Variants in CBLB observed in about 807,000 individuals in gnomAD.
CBLB encodes Cbl proto-oncogene B, also known as E3 ubiquitin-protein ligase CBL-B.
CBLB carries 31 observed loss-of-function variants against 104.9 expected under a neutral mutation model. The ratio of observed to expected loss-of-function variants is 0.30; its 90% CI spans 0.22 to 0.40. The LOEUF is 0.40. CBLB is among the 10% of genes least tolerant of loss of function. CBLB has a pLI of 1.00. For synonymous variants in CBLB, 440 were observed against 422.6 expected (o/e 1.04, Z -0.51); for missense variants, 1,062 against 1,214.6 (o/e 0.87, Z 1.87).
At chr3:105,718,738 G>A (rs2072305289) in intron 10 of CBLB, among the ~76,000 whole-genome samples, 1 of 152,174 alleles carries the variant, frequency 6.6e-6, no homozygotes. Flanking sequence ...TAAGTATCAT[G>A]ACTGATTAGC....
intron 4 of CBLB, among the ~76,000 whole-genome samples, chr3:105,771,059 C>T (rs953856563): frequency 8.5e-5 from 13 of 152,098 alleles, no homozygotes; most frequent in African/African-American, 1.4e-4. Context: ...GAAGCCACTA[C>T]CATGCTAATA....
chr3:105,852,882 T>C (rs1438927664), intron 3 of CBLB, among the ~76,000 whole-genome samples: 1 of 151,916 alleles, frequency 6.6e-6, no homozygotes. Context: ...CACGCCGGGC[T>C]AATTTTGTAT....
chr3:105,799,546 A>G (rs745463705), intron 3 of CBLB, among the ~76,000 whole-genome samples: 23 of 152,332 alleles, frequency 1.5e-4, no homozygotes, highest in Middle Eastern at 3.4e-3. Context: ...GATTTGCAAC[A>G]TAACGTTTGT....
At chr3:105,806,479 C>CAAAAAAAAAAAAAAAAA (rs367966052) in intron 3 of CBLB, among the ~76,000 whole-genome samples, 2 of 125,058 alleles carry the variant, frequency 1.6e-5, no homozygotes, top group African/African-American at 3.0e-5. Flanking sequence ...ACTAAAACCT[C>CAAAAAAAAAAAAAAAAA]AAAAAAAAAA....
At chr3:105,784,852 C>G (rs1288667848) in intron 3 of CBLB, among the ~76,000 whole-genome samples, 6 of 152,324 alleles carry the variant, frequency 3.9e-5, no homozygotes, top group Non-Finnish European at 8.8e-5. Context: ...ATTTCTCACA[C>G]TACTTCTGTT....
chr3:105,718,924 T>C (rs2072345609), intron 10 of CBLB, among the ~76,000 whole-genome samples: 1 of 152,230 alleles, frequency 6.6e-6, no homozygotes, highest in Non-Finnish European at 1.5e-5. Context: ...TTGACCACTG[T>C]ATTTCTGGTC....
rs1198000482 is a variant in CBLB, at chr3:105,657,768, T to A, written c.*1202A>T. On this transcript the variant is annotated 3_prime_UTR_variant, in exon 19 of 19. Coordinates refer to ENST00000394030, the MANE Select transcript of CBLB (RefSeq NM_170662.5). ...TGATAAAGCAGTGTGGAGCAATGAA[T>A]GAGAGAATCTGCAAATTAAATATGA... 1 of 205,628 alleles carries A rather than the reference T, an allele frequency of 4.9e-6. No individual in the cohort carries two copies. The highest frequency in any genetic ancestry group is 9.9e-6 in the Non-Finnish European group (1 of 100,658). The allele number at this position is 205,628 out of a possible 1,614,324, so 12.7% of individuals were successfully genotyped here.
chr3:105,743,459 C>CAAA (rs11373751), intron 6 of CBLB, among the ~76,000 whole-genome samples: 1 of 131,312 alleles, frequency 7.6e-6, no homozygotes, highest in African/African-American at 2.9e-5. Flanking sequence ...GACTCTGTCT[C>CAAA]AAAAAAAAAA....
At chr3:105,730,313 C>A (rs2074176301) in intron 9 of CBLB, among the ~76,000 whole-genome samples, 1 of 151,902 alleles carries the variant, frequency 6.6e-6, no homozygotes, top group Admixed American at 6.6e-5. Flanking sequence ...GGGAACTAAG[C>A]CTTAGATATT....
chr3:105,746,229 T>C (rs1039646512), intron 5 of CBLB, among the ~76,000 whole-genome samples, 191 bp from the exon 6 acceptor site: 5 of 152,168 alleles, frequency 3.3e-5, no homozygotes, highest in Middle Eastern at 3.2e-3. Context: ...TACAGAAATA[T>C]GATTAGGCAG....
intron 7 of CBLB, among the ~76,000 whole-genome samples, chr3:105,739,444 G>T (rs9876007): frequency 0.52 from 78,834 of 151,804 alleles, 21,115 homozygotes; most frequent in Middle Eastern, 0.67. Flanking sequence ...GGAAGAAAAA[G>T]CAGCATGATC....
At chr3:105,685,127 C>A (rs1298001698) in intron 14 of CBLB, among the ~76,000 whole-genome samples, 193 bp downstream of exon 14, 3 of 152,114 alleles carry the variant, frequency 2.0e-5, no homozygotes, top group Non-Finnish European at 4.4e-5. Flanking sequence ...AAAGTGACTT[C>A]CTGATTAATG....
At chr3:105,693,424 G>A in intron 13 of CBLB, 70 bp downstream of exon 13, 1 of 821,300 alleles carries the variant, frequency 1.2e-6, no homozygotes, top group Non-Finnish European at 1.9e-6. Context: ...TCTGTACTGA[G>A]AACCTCTCAA....
At chr3:105,803,914 AG>A (rs1405560299) in intron 3 of CBLB, among the ~76,000 whole-genome samples, 1 of 152,194 alleles carries the variant, frequency 6.6e-6, no homozygotes, top group Non-Finnish European at 1.5e-5. Flanking sequence ...ACTCAATTAC[AG>A]GAGTGATTTT....
chr3:105,747,477 A>T (rs985307533), intron 5 of CBLB, among the ~76,000 whole-genome samples: 2 of 152,176 alleles, frequency 1.3e-5, no homozygotes, highest in African/African-American at 4.8e-5. Flanking sequence ...GAAGTTTTTT[A>T]GCCTTTTTCA....
intron 3 of CBLB, among the ~76,000 whole-genome samples, chr3:105,798,761 G>C (rs1389958868): frequency 6.6e-6 from 1 of 152,012 alleles, no homozygotes; most frequent in Non-Finnish European, 1.5e-5. Flanking sequence ...CTTATTTTGA[G>C]TGACATGCAT....
chr3:105,860,948 T>A (rs1181547019), intron 2 of CBLB, among the ~76,000 whole-genome samples: 1 of 152,130 alleles, frequency 6.6e-6, no homozygotes, highest in Non-Finnish European at 1.5e-5. Flanking sequence ...GCTTTAATAT[T>A]TTTTTAAATC....
In CBLB at chr3:105,664,128, T is replaced by C. The variant is rs116388794; in HGVS notation, c.2690-4899A>G. ...TCTATATTCTGAAAGATGTGTCTAATAAGCAAATGCTATTGTATTGATGAA... is the reference window on the plus strand; with the variant it reads ...TCTATATTCTGAAAGATGTGTCTAACAAGCAAATGCTATTGTATTGATGAA... On this transcript the variant is annotated intron_variant, in intron 18 of 18. Transcript: ENST00000394030. Among the ~76,000 whole-genome samples the C allele has an allele frequency of 4.2e-3, 644 of 152,262 alleles. 3 individuals are homozygous for C. Among genetic ancestry groups the C allele is most frequent in the African/African-American group, 0.015 (629 of 41,552 alleles).
intron 2 of CBLB, among the ~76,000 whole-genome samples, chr3:105,863,008 C>T (rs1198089861): frequency 6.6e-6 from 1 of 152,160 alleles, no homozygotes; most frequent in Non-Finnish European, 1.5e-5. Flanking sequence ...GTCTGTCTTT[C>T]CATAGTTGAG....
Sources: allele counts gnomAD v4.1 joint callset (sites outside exome capture counted in the v4.1 genomes callset), GRCh38; gene constraint gnomAD v4.1.1; transcripts MANE v1.5; gene names NCBI Gene and HGNC (gene_info 2026-07-23, HGNC 2026-07-21).